The following SH3RF3 variants were observed in gnomAD, a reference collection of about 807,000 sequenced individuals.
The protein encoded by SH3RF3 is SH3 domain containing ring finger 3, also known as E3 ubiquitin-protein ligase SH3RF3.
In SH3RF3, 29 loss-of-function variants were observed where a neutral mutation model predicts 66.3. That is an observed-to-expected ratio of 0.44 (90% confidence interval 0.33 to 0.60). The LOEUF is 0.60. SH3RF3 is among the 20% of genes least tolerant of loss of function. The pLI, the probability that SH3RF3 is intolerant of heterozygous loss-of-function variation, is 0.04. For synonymous variants in SH3RF3, 583 were observed against 532.0 expected (o/e 1.10, Z -1.32); for missense variants, 1,194 against 1,190.9 (o/e 1.00, Z -0.04).
intron 1 of SH3RF3, chr2:109,251,584 A>G: frequency 1.1e-6 from 1 of 921,164 alleles, no homozygotes; most frequent in Non-Finnish European, 1.8e-6. Context: ...TGGGCAACAG[A>G]ACAATATTGG....
intron 2 of SH3RF3, among the ~76,000 whole-genome samples, chr2:109,363,560 G>A (rs929189589): frequency 3.9e-5 from 6 of 152,040 alleles, no homozygotes; most frequent in Non-Finnish European, 7.4e-5. Context: ...CTGGTGCGTT[G>A]CCTTTCTTTC....
At chr2:109,479,016 C>T (rs946946266) in intron 8 of SH3RF3, among the ~76,000 whole-genome samples, 2 of 152,174 alleles carry the variant, frequency 1.3e-5, no homozygotes, top group African/African-American at 4.8e-5. Context: ...CTGCAGCCTC[C>T]TGGAGGTGGG....
chr2:109,184,189 C>G (rs1259682395), intron 1 of SH3RF3, among the ~76,000 whole-genome samples: 29 of 152,168 alleles, frequency 1.9e-4, no homozygotes, highest in Admixed American at 1.9e-3. Flanking sequence ...AAATCCATAT[C>G]TCCTCCCAGG....
At chr2:109,343,677 T>A (rs189933552) in intron 1 of SH3RF3, among the ~76,000 whole-genome samples, 41 of 151,664 alleles carry the variant, frequency 2.7e-4, no homozygotes, top group Admixed American at 9.2e-4. Flanking sequence ...TTACCACCTG[T>A]GGAGAGGTGG....
At chr2:109,392,424 C>A (rs1396681436) in intron 3 of SH3RF3, among the ~76,000 whole-genome samples, 1 of 152,136 alleles carries the variant, frequency 6.6e-6, no homozygotes, top group Non-Finnish European at 1.5e-5. Context: ...TTGCTGTCAC[C>A]TCGTGGTGGA....
chr2:109,347,880 G>C lies in SH3RF3; in HGVS notation c.780G>C (p.Gln260His), dbSNP rs554850431. The C allele has an allele frequency of 1.2e-6, 2 of 1,612,810 alleles. No individual in the cohort carries two copies. The highest frequency in any genetic ancestry group is 1.3e-5 in the African/African-American group (1 of 75,010). ...AGCCCTTGCCACACGCCCCGCCCCA[G>C]GGAAAAGCACTTTATGATTTCGAGA... ...CIQPLPHAPP[Q>H]GKALYDFEMK... The change falls in exon 2 of 10, where the codon CAG becomes CAC. Residue 260 changes from glutamine (Q) to histidine (H), a missense_variant. Coordinates refer to ENST00000309415, the MANE Select transcript of SH3RF3 (RefSeq NM_001099289.3).
intron 1 of SH3RF3, among the ~76,000 whole-genome samples, chr2:109,316,335 G>A (rs68047544): frequency 0.31 from 47,413 of 151,990 alleles, 9,174 homozygotes; most frequent in African/African-American, 0.55. Context: ...ATGTTGCCAG[G>A]TGATGGTGGC....
At chr2:109,243,546 C>T (rs762842734) in intron 1 of SH3RF3, among the ~76,000 whole-genome samples, 3 of 152,170 alleles carry the variant, frequency 2.0e-5, no homozygotes, top group Non-Finnish European at 2.9e-5. Context: ...AGGTAATTAA[C>T]ACCATGGGAA....
intron 1 of SH3RF3, among the ~76,000 whole-genome samples, chr2:109,277,381 C>T (rs1430166019): frequency 3.9e-5 from 6 of 152,136 alleles, no homozygotes; most frequent in East Asian, 1.9e-4. Context: ...TATGTGACCC[C>T]GGCCTCGGTG....
intron 2 of SH3RF3, among the ~76,000 whole-genome samples, chr2:109,363,891 CTTTATCT>C (rs997795091): frequency 1.3e-5 from 2 of 151,926 alleles, no homozygotes; most frequent in African/African-American, 4.8e-5. Context: ...AGGATTTTTT[CTTTATCT>C]TTTATTTTAT....
intron 8 of SH3RF3, among the ~76,000 whole-genome samples, chr2:109,472,830 T>G (rs1418488959): frequency 6.6e-6 from 1 of 152,174 alleles, no homozygotes; most frequent in Non-Finnish European, 1.5e-5. Flanking sequence ...CACAGCAAAG[T>G]TATCCTAATG....
At chr2:109,152,807 C>T (rs1311045762) in intron 1 of SH3RF3, among the ~76,000 whole-genome samples, 3 of 152,186 alleles carry the variant, frequency 2.0e-5, no homozygotes, top group Non-Finnish European at 2.9e-5. Flanking sequence ...GGGTGCCTAT[C>T]ACCGTCTCTC....
At chr2:109,239,498 C>G (rs955849353) in intron 1 of SH3RF3, among the ~76,000 whole-genome samples, 1 of 152,158 alleles carries the variant, frequency 6.6e-6, no homozygotes, top group Non-Finnish European at 1.5e-5. Flanking sequence ...CTACAATATT[C>G]TGAAGTGATT....
intron 1 of SH3RF3, among the ~76,000 whole-genome samples, chr2:109,170,472 A>C (rs962164847): frequency 6.6e-6 from 1 of 151,592 alleles, no homozygotes; most frequent in African/African-American, 2.4e-5. Context: ...CAGCCTCCTG[A>C]GTAGCTGGGA....
intron 1 of SH3RF3, among the ~76,000 whole-genome samples, chr2:109,265,893 C>A (rs912031469): frequency 2.6e-5 from 4 of 152,214 alleles, no homozygotes; most frequent in African/African-American, 9.6e-5. Context: ...CCAGCACCAG[C>A]TGTGCCCAGT....
intron 1 of SH3RF3, among the ~76,000 whole-genome samples, chr2:109,290,465 C>T (rs529765873): frequency 3.9e-5 from 6 of 152,354 alleles, no homozygotes; most frequent in South Asian, 2.1e-4. Flanking sequence ...ACCCGGAATC[C>T]TCATGTTCGT....
At chr2:109,486,578 T>C (rs369203479) in intron 8 of SH3RF3, among the ~76,000 whole-genome samples, 1 of 152,312 alleles carries the variant, frequency 6.6e-6, no homozygotes, top group South Asian at 2.1e-4. Context: ...AGCGCTCCTA[T>C]AGCTGTCATC....
At chr2:109,279,473 T>C (rs1257367109) in intron 1 of SH3RF3, among the ~76,000 whole-genome samples, 1 of 152,210 alleles carries the variant, frequency 6.6e-6, no homozygotes, top group Non-Finnish European at 1.5e-5. Context: ...GCTGCTATGC[T>C]GCTAATGTGA....
Position 109,398,852 on chromosome 2 carries a change from T to C in SH3RF3, c.1208T>C (p.Ile403Thr). 1.9e-6 allele frequency: 3 copies of C among 1,613,930 alleles called. No individual in the cohort carries two copies. The highest frequency in any genetic ancestry group is 2.5e-6 in the Non-Finnish European group (3 of 1,179,880). Reference sequence around the variant, plus strand: ...GCCAGCCACAGGCATTCCATGGAAATTAGTGCTCCAGTGTTGATCAGCTCC... The same window carrying C: ...GCCAGCCACAGGCATTCCATGGAAACTAGTGCTCCAGTGTTGATCAGCTCC... ...QAASHRHSME[I>T]SAPVLISSSD... is the part of the protein sequence containing the mutation. Residue 403 changes from isoleucine (I) to threonine (T), a missense_variant, in exon 4 of 10, where the codon ATT becomes ACT. By Grantham distance (89) the Ile-to-Thr change is moderately conservative (BLOSUM62 -1). Transcript: ENST00000309415.
Sources: gnomAD v4.1 joint callset for allele counts (sites outside exome capture counted in the v4.1 genomes callset) on GRCh38, gnomAD v4.1.1 for gene constraint, MANE v1.5 for transcripts, NCBI Gene and HGNC (gene_info 2026-07-23, HGNC 2026-07-21) for gene names.